The following RHCG variants were observed in gnomAD, a reference collection of about 807,000 sequenced individuals.
RHCG encodes the protein ammonium transporter Rh type C.
In RHCG, 39 loss-of-function variants were observed where a neutral mutation model predicts 55.3. The ratio of observed to expected loss-of-function variants is 0.70; its 90% CI spans 0.55 to 0.92. The LOEUF (loss-of-function observed/expected upper bound fraction) is 0.92, where lower values mean the gene tolerates loss of function less well. Ranked by LOEUF, RHCG falls within the 40% of genes least tolerant of loss-of-function variation. The pLI, the probability that RHCG is intolerant of heterozygous loss-of-function variation, is 0.00. For missense variants in RHCG, 635 were observed against 627.9 expected (o/e 1.01, Z -0.12); for synonymous variants, 250 against 246.8 (o/e 1.01, Z -0.12).
rs60077597 is a variant in RHCG at position 89,486,599 on chromosome 15, A to AGTGTGAGTGTGTGTGTGT, written c.371+199_371+200insACACACACACACTCACAC. Reference sequence around the variant, plus strand: ...GAGAGAGAGAGAGAGAGAGAGAGAGAGTGTGTGTGTGTGTGTGTGTGTGTG... The same window carrying AGTGTGAGTGTGTGTGTGT: ...GAGAGAGAGAGAGAGAGAGAGAGAGAGTGTGAGTGTGTGTGTGTGTGTGTGTGTGTGTGTGTGTGTGTG... On this transcript the variant is annotated intron_variant, in intron 2 of 10. Transcript: ENST00000268122. 869 of 264,114 alleles carry AGTGTGAGTGTGTGTGTGT rather than the reference A, an allele frequency of 3.3e-3. 7 individuals are homozygous for AGTGTGAGTGTGTGTGTGT. The highest frequency in any genetic ancestry group is 4.0e-3 in the Non-Finnish European group (558 of 139,400). 16.4% of individuals were successfully genotyped at this position (264,114 alleles called of 1,614,324 possible).
At chr15:89,487,356 C>T (rs1335824391) in intron 1 of RHCG, among the ~76,000 whole-genome samples, 1 of 152,206 alleles carries the variant, frequency 6.6e-6, no homozygotes, top group Admixed American at 6.5e-5. Context: ...CCCTGGGTGG[C>T]TCTGCTGGCC....
chr15:89,477,105 G>A lies in RHCG; in HGVS notation c.1214C>T (p.Ala405Val). ...IYGLLVTLAM[A>V]LMGGIIVGLI... is the part of the protein sequence containing the mutation. ...ACCCACAATGATGCCACCCATCAGG[G>A]CCATGGCCAGGGTCACCAAGAGACC... Residue 405 changes from alanine (A) to valine (V), a missense_variant, in exon 8 of 11, where the codon GCC becomes GTC. Transcript: ENST00000268122. The surrounding 1 kb of genome is among the most constrained non-coding windows in gnomAD (Gnocchi z 4.5). 1 of 1,614,056 alleles carries A rather than the reference G, an allele frequency of 6.2e-7. No homozygotes were observed. The highest frequency in any genetic ancestry group is 8.5e-7 in the Non-Finnish European group (1 of 1,180,010).
chr15:89,482,256 A>G (rs1028338441), intron 3 of RHCG, among the ~76,000 whole-genome samples: 3 of 152,316 alleles, frequency 2.0e-5, no homozygotes, highest in Non-Finnish European at 4.4e-5. Flanking sequence ...TGCATTATTT[A>G]TAGGGCACTC....
intron 5 of RHCG, among the ~76,000 whole-genome samples, chr15:89,478,523 G>T (rs1426147743): frequency 6.6e-6 from 1 of 152,160 alleles, no homozygotes; most frequent in African/African-American, 2.4e-5. Flanking sequence ...GGTGAGGGGG[G>T]TTAAATGACT....
intron 9 of RHCG, 104 bp from the exon 10 acceptor site, chr15:89,472,967 C>T (rs1022215058): frequency 4.7e-6 from 6 of 1,283,798 alleles, no homozygotes; most frequent in Non-Finnish European, 6.2e-6. Flanking sequence ...CGAGCGCCAC[C>T]TTGTGATCGC....
chr15:89,495,019 A>T lies in RHCG; in HGVS notation c.184+1342T>A, dbSNP rs1333801212. 2.6e-5 allele frequency among the ~76,000 whole-genome samples: 4 copies of T among 152,134 alleles called. No homozygotes were observed. The East Asian group carries it at 7.7e-4, about 29-fold the overall frequency. ...AGGAGAGGAAAGGTGGACAATGTGA[A>T]CAGTGGATTTGGAGCCTGAATCCCA... On this transcript the variant is annotated intron_variant, in intron 1 of 10. Transcript: ENST00000268122.
chr15:89,493,087 TGTGG>T (rs2141903717), intron 1 of RHCG, among the ~76,000 whole-genome samples: 1 of 152,332 alleles, frequency 6.6e-6, no homozygotes, highest in African/African-American at 2.4e-5. Context: ...GCCTTCTGCC[TGTGG>T]GTAAGCTCGT....
Position 89,475,329 on chromosome 15 carries a change from C to G in RHCG, c.1311+1426G>C, listed in dbSNP as rs147665713. ...CAGCTCACTGCAACCTCTGCCCCCC[C>G]GCCCCAGGGTTCAAGTGATTCTCCT... On this transcript the variant is annotated intron_variant, in intron 9 of 10. Transcript: ENST00000268122. 1.6e-3 allele frequency among the ~76,000 whole-genome samples: 240 copies of G among 152,150 alleles called. 2 individuals are homozygous for G. The East Asian group carries it at 0.041, about 26-fold the overall frequency.
intron 1 of RHCG, among the ~76,000 whole-genome samples, chr15:89,494,869 G>T (rs1197833596): frequency 6.6e-6 from 1 of 152,104 alleles, no homozygotes; most frequent in Admixed American, 6.5e-5. Flanking sequence ...GAACGCCCAT[G>T]GGAGTTCTTG....
In RHCG at chr15:89,476,626, G is replaced by A. The variant is rs1012830980; in HGVS notation, c.1311+129C>T. On this transcript the variant is annotated intron_variant, in intron 9 of 10. Transcript: ENST00000268122. ...AGACACAGCCTCCCCCGATGAAGAA[G>A]TAGGGTAATGTAGGCTCTGACCCCC... 6.9e-5 allele frequency: 50 copies of A among 722,402 alleles called. 1 individual carries two copies. The highest frequency in any genetic ancestry group is 1.5e-5 in the Non-Finnish European group (6 of 409,418). 44.7% of individuals were successfully genotyped at this position (722,402 alleles called of 1,614,324 possible).
At position 89,489,495 on chromosome 15, in the gene RHCG, C is replaced by T. The variant is rs148541273; in HGVS notation, c.185-2510G>A. Among the ~76,000 whole-genome samples, 892 of 152,212 alleles carry T rather than the reference C, an allele frequency of 5.9e-3. 2 individuals carry two copies. The highest frequency in any genetic ancestry group is 9.0e-3 in the Non-Finnish European group (614 of 68,006). ...AAATTTGGGATTATTTCCAAGTAAA[C>T]AGTCAAAAGGAAAAGAGACTCCAGG... On this transcript the variant is annotated intron_variant, in intron 1 of 10. Coordinates refer to ENST00000268122, the MANE Select transcript of RHCG (RefSeq NM_016321.3).
chr15:89,483,296 T>C (rs1961302682), intron 2 of RHCG, 79 bp from the exon 3 acceptor site: 2 of 1,355,958 alleles, frequency 1.5e-6, no homozygotes, highest in Admixed American at 2.5e-5. Context: ...TGGTCATATA[T>C]GGATTTGGGC....
chr15:89,490,779 A>G (rs1596408913), intron 1 of RHCG, among the ~76,000 whole-genome samples: 1 of 139,958 alleles, frequency 7.1e-6, no homozygotes, highest in Non-Finnish European at 1.5e-5. Context: ...ATTTCAGATG[A>G]CCAGGGGGGT....
At chr15:89,485,845 GCTATAGGTTTCATAAGTTGC>G (rs1191736194) in intron 2 of RHCG, among the ~76,000 whole-genome samples, 2 of 152,206 alleles carry the variant, frequency 1.3e-5, no homozygotes, top group African/African-American at 4.8e-5. Context: ...AACACAAATT[GCTATAGGTTTCATAAGTTGC>G]CATGGGATAG....
rs906880263 is a variant in RHCG at position 89,476,881 on chromosome 15, C to T, written c.1238-53G>A. ...TCAGGAAGTGCCTTCTCTCTGCTCA[C>T]CCCAGCCATTTCCCTCAGCTGGGAA... On this transcript the variant is annotated intron_variant, in intron 8 of 10. Transcript: ENST00000268122. The T allele has an allele frequency of 1.3e-4, 197 of 1,562,382 alleles. 2 individuals carry two copies. The Admixed American group carries it at 2.6e-3, about 21-fold the overall frequency.
In RHCG at chr15:89,489,560, C is replaced by T. The variant is rs28525037; in HGVS notation, c.185-2575G>A. Among the ~76,000 whole-genome samples the T allele has an allele frequency of 8.9e-3, 1,359 of 152,268 alleles. 18 individuals are homozygous for T. The highest frequency in any genetic ancestry group is 0.03 in the African/African-American group (1,261 of 41,542). On this transcript the variant is annotated intron_variant, in intron 1 of 10. Coordinates refer to ENST00000268122, the MANE Select transcript of RHCG (RefSeq NM_016321.3). ...GTCCCAGCCCCGCCCACCTGTCTCC[C>T]GGGGGATTCCTACTCCCTCACCCAC... is the stretch of plus-strand genomic sequence containing the variant.
intron 1 of RHCG, among the ~76,000 whole-genome samples, chr15:89,489,561 G>C (rs577418406): frequency 2.0e-5 from 3 of 152,056 alleles, no homozygotes; most frequent in Admixed American, 6.5e-5. Flanking sequence ...CCTGTCTCCC[G>C]GGGGATTCCT....
At chr15:89,476,554 C>T (rs924454381) in intron 9 of RHCG, among the ~76,000 whole-genome samples, 1 of 152,138 alleles carries the variant, frequency 6.6e-6, no homozygotes, top group East Asian at 1.9e-4. Context: ...TACACATCAC[C>T]CACTCCAAGC....
chr15:89,477,534 T>A lies in RHCG; in HGVS notation c.1095A>T (p.Glu365Asp). 1.9e-6 allele frequency: 3 copies of A among 1,614,090 alleles called. No individual in the cohort carries two copies. The South Asian group carries it at 3.3e-5, about 18-fold the overall frequency. The change falls in exon 7 of 11, where the codon GAA becomes GAT. Residue 365 changes from glutamate to aspartate, a missense_variant. Transcript: ENST00000268122. This position sits in a 1 kb window ranked among gnomAD's most constrained non-coding sequence, Gnocchi z 4.5. ...ACATTTACCCTTCTTTTCCATAGAC[T>A]TCAAGGCTGGCGGAGGCCGCTGTCA... ...GAVTAASASL[E>D]VYGKEGLVHS...
Sources: allele counts gnomAD v4.1 joint callset (sites outside exome capture counted in the v4.1 genomes callset), GRCh38; gene constraint gnomAD v4.1.1; non-coding constraint Gnocchi (gnomAD v3.1); transcripts MANE v1.5; gene names NCBI Gene and HGNC (gene_info 2026-07-23, HGNC 2026-07-21).